The following CDK13 variants were observed in gnomAD, a reference collection of about 807,000 sequenced individuals.
The protein encoded by CDK13 is cyclin-dependent kinase 13.
A neutral mutation model predicts 137.6 loss-of-function variants in CDK13; 40 were observed. The ratio of observed to expected loss-of-function variants is 0.29; its 90% CI spans 0.23 to 0.38. The LOEUF (loss-of-function observed/expected upper bound fraction) is 0.38, where lower values mean the gene tolerates loss of function less well. Among genes scored for constraint, CDK13 ranks in the 10% least tolerant of loss-of-function variants. CDK13 has a pLI of 1.00. For synonymous variants in CDK13, 869 were observed against 760.1 expected (o/e 1.14, Z -2.36); for missense variants, 1,704 against 1,951.8 (o/e 0.87, Z 2.39).
intron 7 of CDK13, among the ~76,000 whole-genome samples, chr7:40,051,290 G>C (rs1010378196): frequency 1.3e-5 from 2 of 150,544 alleles, no homozygotes; most frequent in East Asian, 3.9e-4. Flanking sequence ...GAATAATTCT[G>C]ATTTCTTCAG....
intron 13 of CDK13, 73 bp downstream of exon 13, chr7:40,093,310 A>C: frequency 3.3e-6 from 4 of 1,226,638 alleles, no homozygotes; most frequent in Non-Finnish European, 4.6e-6. Context: ...ACTATATATA[A>C]TGTGTATAGT....
intron 9 of CDK13, chr7:40,069,911 G>C (rs1054682311): frequency 6.6e-6 from 1 of 150,920 alleles, no homozygotes; most frequent in Admixed American, 6.6e-5. Flanking sequence ...GTGAAACCCC[G>C]TCTCTGCTAA....
In CDK13 at chr7:39,995,085, G is replaced by A. The variant is rs991706423; in HGVS notation, c.1872-2409G>A. On this transcript the variant is annotated intron_variant, in intron 2 of 13. Coordinates refer to ENST00000181839, the MANE Select transcript of CDK13 (RefSeq NM_003718.5). ...AATGTTTTATTTTTTTCTGTTGCTG[G>A]TGTGTATTTCTTTTTAAGGCATTTT... Among the ~76,000 whole-genome samples, 12 of 151,762 alleles carry A rather than the reference G, an allele frequency of 7.9e-5. No homozygotes were observed. The South Asian group carries it at 1.5e-3, about 18-fold the overall frequency.
chr7:40,054,434 AC>A (rs1340884763), intron 7 of CDK13, among the ~76,000 whole-genome samples: 1 of 151,658 alleles, frequency 6.6e-6, no homozygotes, highest in Non-Finnish European at 1.5e-5. Flanking sequence ...AAGTCTGATG[AC>A]TTTTTTTTTT....
At chr7:40,050,356 T>A (rs1785858101) in intron 7 of CDK13, among the ~76,000 whole-genome samples, 1 of 152,070 alleles carries the variant, frequency 6.6e-6, no homozygotes. Flanking sequence ...AAAACTTAAC[T>A]TGAAGTATAT....
At chr7:40,046,163 C>A in intron 6 of CDK13, 138 bp downstream of exon 6, 1 of 562,988 alleles carries the variant, frequency 1.8e-6, no homozygotes, top group Non-Finnish European at 3.1e-6. Context: ...GTACAGTGTC[C>A]AACGTTTGGG....
intron 1 of CDK13, among the ~76,000 whole-genome samples, chr7:39,965,500 C>T (rs915705620): frequency 9.9e-5 from 15 of 152,104 alleles, no homozygotes; most frequent in African/African-American, 3.6e-4. Flanking sequence ...TTATTTTGAG[C>T]CTATGTGTGT....
intron 5 of CDK13, among the ~76,000 whole-genome samples, chr7:40,011,303 A>G (rs953743256): frequency 1.3e-5 from 2 of 152,208 alleles, no homozygotes; most frequent in African/African-American, 4.8e-5. Context: ...CAGGAGGATC[A>G]GTTGAGTCCA....
At position 40,096,199 on chromosome 7, in the gene CDK13, G is replaced by C. The variant is rs1040773786; in HGVS notation, c.*1219G>C. On this transcript the variant is annotated 3_prime_UTR_variant, in exon 14 of 14. Transcript: ENST00000181839. ...TTAAGAAAGTCAATTCTATTCACTTGTTAACTAGAAACATTGCTTAGATTG... is the reference window on the plus strand; with the variant it reads ...TTAAGAAAGTCAATTCTATTCACTTCTTAACTAGAAACATTGCTTAGATTG... 2 of 151,882 alleles carry C rather than the reference G, an allele frequency of 1.3e-5. No individual in the cohort carries two copies. Among genetic ancestry groups the C allele is most frequent in the African/African-American group, 4.8e-5 (2 of 41,410 alleles). The allele number at this position is 151,882 out of a possible 1,614,324, so 9.4% of individuals were successfully genotyped here. A position where few individuals can be genotyped will look rare whatever the true frequency, so the allele number is the denominator to read the frequency against.
At chr7:40,063,792 A>G (rs1001942454) in intron 9 of CDK13, among the ~76,000 whole-genome samples, 16 of 151,852 alleles carry the variant, frequency 1.1e-4, no homozygotes, top group African/African-American at 3.9e-4. Context: ...CGAGTAGCTC[A>G]GATTACGGGT....
intron 9 of CDK13, chr7:40,066,804 A>C (rs1250401416): frequency 6.6e-6 from 1 of 152,252 alleles, no homozygotes; most frequent in Non-Finnish European, 1.5e-5. Flanking sequence ...TTAAAGAGAA[A>C]GCCTTGGCCT....
intron 1 of CDK13, among the ~76,000 whole-genome samples, chr7:39,958,130 T>G (rs1285477794): frequency 1.3e-5 from 2 of 152,128 alleles, no homozygotes; most frequent in Non-Finnish European, 2.9e-5. Flanking sequence ...TGATGTACAT[T>G]AGAGGATAAA....
Position 40,098,298 on chromosome 7 carries a change from G to C in CDK13, c.*3318G>C, listed in dbSNP as rs1787084924. The stretch of plus-strand genomic sequence containing the variant: ...TAAATGCTTAAAATCTGGTACTTCT[G>C]AGTTAAGGTTTTGCTCTTTGAGCTT... On this transcript the variant is annotated 3_prime_UTR_variant, in exon 14 of 14. Transcript: ENST00000181839. 1 of 152,012 alleles carries C rather than the reference G, an allele frequency of 6.6e-6. No homozygotes were observed. The highest frequency in any genetic ancestry group is 1.5e-5 in the Non-Finnish European group (1 of 67,972). 9.4% of individuals were successfully genotyped at this position (152,012 alleles called of 1,614,324 possible). A position where few individuals can be genotyped will look rare whatever the true frequency, so the allele number is the denominator to read the frequency against.
chr7:40,089,771 A>G (rs944297703), intron 12 of CDK13, among the ~76,000 whole-genome samples: 2 of 151,590 alleles, frequency 1.3e-5, no homozygotes, highest in Non-Finnish European at 2.9e-5. Context: ...GTGGCTTATT[A>G]AACATGAAAA....
chr7:40,078,910 A>G (rs1302271860), intron 11 of CDK13, 59 bp downstream of exon 11: 3 of 650,150 alleles, frequency 4.6e-6, no homozygotes, highest in Non-Finnish European at 6.2e-6. Flanking sequence ...TTATATTAAA[A>G]CAGTTTTAAT....
intron 1 of CDK13, among the ~76,000 whole-genome samples, chr7:39,974,620 A>G (rs1359969208): frequency 6.7e-6 from 1 of 149,928 alleles, no homozygotes; most frequent in East Asian, 1.9e-4. Flanking sequence ...GCTGGAGTGC[A>G]GTGGCACGGT....
At chr7:40,010,945 T>C (rs895494817) in intron 5 of CDK13, among the ~76,000 whole-genome samples, 1 of 152,120 alleles carries the variant, frequency 6.6e-6, no homozygotes, top group Non-Finnish European at 1.5e-5. Context: ...AATAAATTGA[T>C]AAAAGAAGTG....
intron 2 of CDK13, among the ~76,000 whole-genome samples, chr7:39,990,093 C>T (rs1784427361): frequency 6.6e-6 from 1 of 152,120 alleles, no homozygotes; most frequent in South Asian, 2.1e-4. Flanking sequence ...CTACTTTATT[C>T]TTCATGTATG....
intron 5 of CDK13, among the ~76,000 whole-genome samples, chr7:40,012,839 G>C (rs937328843): frequency 1.3e-5 from 2 of 151,768 alleles, no homozygotes; most frequent in African/African-American, 4.8e-5. Flanking sequence ...TTGAACCCGG[G>C]AGGCGGAGGT....
Sources: gnomAD v4.1 joint callset for allele counts (sites outside exome capture counted in the v4.1 genomes callset) on GRCh38, gnomAD v4.1.1 for gene constraint, MANE v1.5 for transcripts, NCBI Gene and HGNC (gene_info 2026-07-23, HGNC 2026-07-21) for gene names.